Variants in TMEM132D observed in about 807,000 individuals in gnomAD.
TMEM132D encodes mature OL transmembrane protein.
A neutral mutation model predicts 62.3 loss-of-function variants in TMEM132D; 21 were observed. The observed-to-expected ratio is 0.34, with a 90% CI of 0.24 to 0.49. The LOEUF (loss-of-function observed/expected upper bound fraction) is 0.49, where lower values mean the gene tolerates loss of function less well. Ranked by LOEUF, TMEM132D falls within the 20% of genes least tolerant of loss-of-function variation. TMEM132D has a pLI of 0.99. For synonymous variants in TMEM132D, 621 were observed against 575.6 expected, an observed-to-expected ratio of 1.08 and a Z score of -1.13; for missense variants, 1,346 against 1,402.8, an observed-to-expected ratio of 0.96 and a Z score of 0.65.
At position 129,700,618 on chromosome 12, in the gene TMEM132D, T is replaced by G; in HGVS notation, c.160A>C (p.Asn54His). 1 of 1,614,010 alleles carries G rather than the reference T, an allele frequency of 6.2e-7. No homozygotes were observed. The highest frequency in any genetic ancestry group is 8.5e-7 in the Non-Finnish European group (1 of 1,180,002). Residue 54 changes from asparagine to histidine, a missense_variant, in exon 2 of 9, where the codon AAC becomes CAC. Coordinates refer to ENST00000422113, the MANE Select transcript of TMEM132D (RefSeq NM_133448.3). Reference protein sequence around the residue: ...PTYLPVTYHINNADVSFFLKE... With the variant: ...PTYLPVTYHIHNADVSFFLKE... ...AGGAAGAAGGAGACGTCCGCGTTGT[T>G]GATGTGGTAGGTCACGGGGAGGTAG... is the stretch of plus-strand genomic sequence containing the variant.
chr12:129,610,381 G>A (rs1213646530), intron 2 of TMEM132D, among the ~76,000 whole-genome samples: 1 of 151,830 alleles, frequency 6.6e-6, no homozygotes, highest in Admixed American at 6.6e-5. Flanking sequence ...CTTAAACCCT[G>A]TACCCCAATC....
chr12:129,863,687 AAAG>A (rs1873970817), intron 1 of TMEM132D, among the ~76,000 whole-genome samples: 1 of 152,210 alleles, frequency 6.6e-6, no homozygotes, highest in African/African-American at 2.4e-5. Flanking sequence ...CCTCCCCAGA[AAAG>A]AAGCAAGATT....
At chr12:129,663,704 T>C (rs1282126988) in intron 2 of TMEM132D, among the ~76,000 whole-genome samples, 1 of 152,154 alleles carries the variant, frequency 6.6e-6, no homozygotes, top group Admixed American at 6.5e-5. Flanking sequence ...TTCTGAATAA[T>C]TGATGGCAAA....
chr12:129,481,428 A>C (rs1324501436), intron 3 of TMEM132D, among the ~76,000 whole-genome samples: 1 of 148,738 alleles, frequency 6.7e-6, no homozygotes, highest in Non-Finnish European at 1.5e-5. Context: ...CCACCACTGC[A>C]CTCCAGCCCG....
intron 4 of TMEM132D, among the ~76,000 whole-genome samples, chr12:129,328,260 G>T (rs1245777866): frequency 6.6e-6 from 1 of 152,190 alleles, no homozygotes; most frequent in East Asian, 1.9e-4. Flanking sequence ...TTTCCCAGCT[G>T]CTTCCCCTGA....
chr12:129,420,890 T>A (rs994626687), intron 3 of TMEM132D, among the ~76,000 whole-genome samples: 2 of 152,206 alleles, frequency 1.3e-5, no homozygotes, highest in Admixed American at 1.3e-4. Context: ...GTGGGTTTTT[T>A]ATATAATCTC....
chr12:129,490,943 G>A (rs544279194), intron 3 of TMEM132D, among the ~76,000 whole-genome samples: 54 of 152,016 alleles, frequency 3.6e-4, no homozygotes, highest in African/African-American at 1.3e-3. Context: ...ACTCTGATCC[G>A]GCACGTTGCT....
chr12:129,791,864 T>C (rs1490366646), intron 1 of TMEM132D, among the ~76,000 whole-genome samples: 3 of 152,162 alleles, frequency 2.0e-5, no homozygotes, highest in Admixed American at 2.0e-4. Context: ...TCCACAGACC[T>C]ATTTTCCAGG....
intron 3 of TMEM132D, among the ~76,000 whole-genome samples, chr12:129,442,021 C>T (rs1872951143): frequency 6.6e-6 from 1 of 152,142 alleles, no homozygotes; most frequent in Admixed American, 6.5e-5. Context: ...TGAAAAACTA[C>T]CCATTGGGTT....
chr12:129,117,517 A>G (rs1023384552), intron 5 of TMEM132D, among the ~76,000 whole-genome samples: 2 of 152,180 alleles, frequency 1.3e-5, no homozygotes, highest in Non-Finnish European at 2.9e-5. Flanking sequence ...TGTTTTCCAC[A>G]TATCGGCTTA....
chr12:129,306,131 A>G (rs993765294), intron 4 of TMEM132D, among the ~76,000 whole-genome samples: 2 of 152,176 alleles, frequency 1.3e-5, no homozygotes, highest in African/African-American at 4.8e-5. Flanking sequence ...GAAAAGTTAC[A>G]ATGCTTATTA....
chr12:129,563,699 G>A (rs1877297628), intron 2 of TMEM132D, among the ~76,000 whole-genome samples: 1 of 152,184 alleles, frequency 6.6e-6, no homozygotes, highest in South Asian at 2.1e-4. Context: ...GCTGGAAGAA[G>A]ATCTGGGATT....
At chr12:129,379,245 C>T (rs999677088) in intron 3 of TMEM132D, among the ~76,000 whole-genome samples, 41 of 152,218 alleles carry the variant, frequency 2.7e-4, no homozygotes, top group African/African-American at 8.9e-4. Flanking sequence ...GGTTAAATTA[C>T]AGGCTTAATC....
intron 5 of TMEM132D, among the ~76,000 whole-genome samples, chr12:129,092,568 G>A (rs190305747): frequency 2.6e-5 from 4 of 152,170 alleles, no homozygotes; most frequent in South Asian, 2.1e-4. Context: ...TGGTGGCGGC[G>A]CCTGTAATCC....
intron 3 of TMEM132D, among the ~76,000 whole-genome samples, chr12:129,352,451 T>TTTTC (rs71079298): frequency 0.78 from 115,561 of 148,046 alleles, 45,445 homozygotes; most frequent in East Asian, 0.9. Flanking sequence ...TTTTTTTTTT[T>TTTTC]CTAGCATCAG....
At chr12:129,476,439 G>A (rs1462155472) in intron 3 of TMEM132D, among the ~76,000 whole-genome samples, 1 of 152,174 alleles carries the variant, frequency 6.6e-6, no homozygotes, top group Non-Finnish European at 1.5e-5. Context: ...ACTCCCAACA[G>A]GCTTATCTCT....
intron 5 of TMEM132D, among the ~76,000 whole-genome samples, chr12:129,198,000 G>A (rs541074300): frequency 6.6e-6 from 1 of 152,214 alleles, no homozygotes; most frequent in East Asian, 1.9e-4. Context: ...CACAAAAGAA[G>A]AGCTACAAAT....
intron 1 of TMEM132D, among the ~76,000 whole-genome samples, chr12:129,830,472 G>A (rs1872796501): frequency 6.6e-6 from 1 of 152,150 alleles, no homozygotes; most frequent in Non-Finnish European, 1.5e-5. Flanking sequence ...GAAAGGCTTA[G>A]TAGAAACTCA....
intron 3 of TMEM132D, among the ~76,000 whole-genome samples, chr12:129,354,019 C>T (rs1869955547): frequency 6.6e-6 from 1 of 152,046 alleles, no homozygotes; most frequent in Non-Finnish European, 1.5e-5. Flanking sequence ...TAAACCTTTC[C>T]ACCAGAAAGG....
Sources: gnomAD v4.1 joint callset for allele counts (sites outside exome capture counted in the v4.1 genomes callset) on GRCh38, gnomAD v4.1.1 for gene constraint, MANE v1.5 for transcripts, NCBI Gene and HGNC (gene_info 2026-07-23, HGNC 2026-07-21) for gene names.